TPD52L1: variants seen among roughly 807,000 people sequenced by gnomAD.
TPD52L1 encodes TPD52 like 1, also known as tumor protein D53.
TPD52L1 carries 18 observed loss-of-function variants against 28.7 expected under a neutral mutation model. The ratio of observed to expected loss-of-function variants is 0.63; its 90% CI spans 0.43 to 0.93. The LOEUF is 0.93. TPD52L1 is among the 40% of genes least tolerant of loss of function. The pLI is 0.00. For missense variants in TPD52L1, 203 were observed against 254.8 expected (o/e 0.80, Z 1.39); for synonymous variants, 75 against 88.8 (o/e 0.84, Z 0.88).
chr6:125,194,967 G>A (rs1189227144), intron 1 of TPD52L1, among the ~76,000 whole-genome samples: 2 of 152,194 alleles, frequency 1.3e-5, no homozygotes, highest in Non-Finnish European at 2.9e-5. Context: ...TCAGTGTTCT[G>A]AAGTAGGGAA....
chr6:125,164,921 C>A (rs1790776612), intron 1 of TPD52L1, among the ~76,000 whole-genome samples: 2 of 151,588 alleles, frequency 1.3e-5, no homozygotes, highest in African/African-American at 2.4e-5. Context: ...CGAAATGTCC[C>A]CAACAACACC....
chr6:125,170,668 G>C (rs528574057), intron 1 of TPD52L1, among the ~76,000 whole-genome samples: 14 of 152,112 alleles, frequency 9.2e-5, no homozygotes, highest in Non-Finnish European at 1.8e-4. Flanking sequence ...TTTTGTCTAT[G>C]ACCCAGAAGT....
At chr6:125,154,970 G>A (rs1790021288) in intron 1 of TPD52L1, among the ~76,000 whole-genome samples, 1 of 151,930 alleles carries the variant, frequency 6.6e-6, no homozygotes, top group Non-Finnish European at 1.5e-5. Context: ...TGATGCGCTC[G>A]CCCTCTAGGG....
chr6:125,200,727 G>A (rs56318144), intron 1 of TPD52L1, among the ~76,000 whole-genome samples: 2 of 152,282 alleles, frequency 1.3e-5, no homozygotes, highest in Admixed American at 6.5e-5. Flanking sequence ...GCAGTAACTT[G>A]ATTTTTGCAT....
At chr6:125,206,844 G>A (rs911268651) in intron 1 of TPD52L1, among the ~76,000 whole-genome samples, 1 of 152,128 alleles carries the variant, frequency 6.6e-6, no homozygotes, top group Non-Finnish European at 1.5e-5. Context: ...ATTTGGCTAA[G>A]ACTTCAGTAG....
chr6:125,243,090 TTGTC>T (rs1282619878), intron 3 of TPD52L1, among the ~76,000 whole-genome samples: 2 of 152,146 alleles, frequency 1.3e-5, no homozygotes, highest in African/African-American at 4.8e-5. Flanking sequence ...TCTTGGCTAA[TTGTC>T]TGCCAATTAT....
chr6:125,261,790 T>A (rs1372252003), intron 6 of TPD52L1: 2 of 152,244 alleles, frequency 1.3e-5, no homozygotes, highest in African/African-American at 4.8e-5. Flanking sequence ...AATTCCTTCA[T>A]GTTTCTATGC....
chr6:125,172,539 T>TATATATTATATATATATA lies in TPD52L1; in HGVS notation c.19+18575_19+18576insTATATATATATAATATAT, dbSNP rs1562214621. Among the ~76,000 whole-genome samples the TATATATTATATATATATA allele has an allele frequency of 5.6e-4, 53 of 95,022 alleles. 1 individual carries two copies. Among genetic ancestry groups the TATATATTATATATATATA allele is most frequent in the Admixed American group, 8.6e-4 (7 of 8,180 alleles). 62.3% of individuals were successfully genotyped at this position (95,022 alleles called of 152,430 possible). ...ATATATATATATATATATATATATA[T>TATATATTATATATATATA]ATATATATATATAATATATATACTA... On this transcript the variant is annotated intron_variant, in intron 1 of 6. Coordinates refer to ENST00000534000, the MANE Select transcript of TPD52L1 (RefSeq NM_003287.4).
At chr6:125,243,683 A>T (rs1161901575) in intron 3 of TPD52L1, among the ~76,000 whole-genome samples, 1 of 152,016 alleles carries the variant, frequency 6.6e-6, no homozygotes, top group Non-Finnish European at 1.5e-5. Context: ...TTCTCTGGAA[A>T]ATTTTTTATT....
chr6:125,157,399 A>C (rs1409844876), intron 1 of TPD52L1, among the ~76,000 whole-genome samples: 1 of 152,252 alleles, frequency 6.6e-6, no homozygotes, highest in Non-Finnish European at 1.5e-5. Flanking sequence ...GATTACTTCC[A>C]GCAAAACAAG....
intron 1 of TPD52L1, among the ~76,000 whole-genome samples, chr6:125,193,909 A>G (rs889562821): frequency 3.3e-5 from 5 of 151,926 alleles, no homozygotes; most frequent in Non-Finnish European, 7.4e-5. Context: ...CTCACAACCC[A>G]GTGGGTTTTT....
intron 3 of TPD52L1, among the ~76,000 whole-genome samples, chr6:125,248,009 A>C (rs1300649258): frequency 1.3e-5 from 2 of 152,212 alleles, no homozygotes; most frequent in East Asian, 3.9e-4. Flanking sequence ...GAGCAGTTCC[A>C]TTATTTGTCA....
chr6:125,196,865 A>G (rs967161279), intron 1 of TPD52L1, among the ~76,000 whole-genome samples: 1 of 152,212 alleles, frequency 6.6e-6, no homozygotes, highest in East Asian at 1.9e-4. Flanking sequence ...TTGCAGATCC[A>G]GCATTGGAAT....
In TPD52L1 at chr6:125,198,094, T is replaced by A. The variant is rs76997203; in HGVS notation, c.20-21984T>A. ...GCCAAGACCAGGGCACTCTGGCTGATCTGAGTGTGATCTTGAACTCTGCTT... is the reference window on the plus strand; with the variant it reads ...GCCAAGACCAGGGCACTCTGGCTGAACTGAGTGTGATCTTGAACTCTGCTT... On this transcript the variant is annotated intron_variant, in intron 1 of 6. Transcript: ENST00000534000. Among the ~76,000 whole-genome samples the A allele has an allele frequency of 4.6e-5, 7 of 152,284 alleles. No individual in the cohort carries two copies. In the East Asian group the frequency reaches 1.3e-3, roughly 29 times the overall value.
chr6:125,211,261 G>C (rs1027369287), intron 1 of TPD52L1, among the ~76,000 whole-genome samples: 3 of 148,852 alleles, frequency 2.0e-5, no homozygotes, highest in Non-Finnish European at 4.5e-5. Flanking sequence ...ATATGGATCT[G>C]TCTATCTATC....
At chr6:125,226,494 C>T (rs2114979987) in intron 2 of TPD52L1, among the ~76,000 whole-genome samples, 1 of 152,252 alleles carries the variant, frequency 6.6e-6, no homozygotes, top group African/African-American at 2.4e-5. Flanking sequence ...GAATAATCCA[C>T]AGCCCCTCGT....
chr6:125,172,512 CTATATATATATATA>C (rs60135828), intron 1 of TPD52L1, among the ~76,000 whole-genome samples: 351 of 16,408 alleles, frequency 0.021, 10 homozygotes, highest in Middle Eastern at 0.11. Context: ...CTCTTTCATG[CTATATATATATATA>C]TATATATATA....
intron 1 of TPD52L1, among the ~76,000 whole-genome samples, chr6:125,178,107 C>A (rs1055186974): frequency 1.3e-5 from 2 of 152,058 alleles, no homozygotes; most frequent in Non-Finnish European, 2.9e-5. Flanking sequence ...CATATTCTTT[C>A]GATCATAATA....
intron 1 of TPD52L1, among the ~76,000 whole-genome samples, chr6:125,199,872 T>C (rs1793693355): frequency 6.6e-6 from 1 of 152,188 alleles, no homozygotes; most frequent in South Asian, 2.1e-4. Flanking sequence ...ATAGAGCACC[T>C]GTTAAAGCTT....
Sources: gnomAD v4.1 joint callset for allele counts (sites outside exome capture counted in the v4.1 genomes callset) on GRCh38, gnomAD v4.1.1 for gene constraint, MANE v1.5 for transcripts, NCBI Gene and HGNC (gene_info 2026-07-23, HGNC 2026-07-21) for gene names.